The following CYP46A1 variants were observed in gnomAD, a reference collection of about 807,000 sequenced individuals.
The protein encoded by CYP46A1 is cytochrome P450 family 46 subfamily A member 1, also known as cholesterol 24-hydroxylase.
In CYP46A1, 20 loss-of-function variants were observed where a neutral mutation model predicts 63.3. The ratio of observed to expected loss-of-function variants is 0.32; its 90% CI spans 0.22 to 0.46. The LOEUF is 0.46. CYP46A1 is among the 20% of genes least tolerant of loss of function. CYP46A1 has a pLI of 1.00. For synonymous variants in CYP46A1, 268 were observed against 273.6 expected (o/e 0.98, Z 0.20); for missense variants, 445 against 670.8 (o/e 0.66, Z 3.72).
At chr14:99,700,158 C>T (rs529240332) in intron 5 of CYP46A1, 57 bp downstream of exon 5, 52 of 1,419,248 alleles carry the variant, frequency 3.7e-5, no homozygotes, top group East Asian at 3.3e-4. Context: ...TAGGGGCTGC[C>T]GAAGTGTAGG....
At chr14:99,701,796 G>A (rs375022378) in intron 5 of CYP46A1, among the ~76,000 whole-genome samples, 56 of 152,288 alleles carry the variant, frequency 3.7e-4, no homozygotes, top group African/African-American at 1.2e-3. Context: ...TCAGCCAGGC[G>A]TGGTGGTTCA....
intron 3 of CYP46A1, among the ~76,000 whole-genome samples, chr14:99,692,505 C>T (rs1260072653): frequency 1.3e-5 from 2 of 152,034 alleles, no homozygotes; most frequent in Admixed American, 1.3e-4. Flanking sequence ...TGCCATGGCA[C>T]TCCAGCCTGG....
intron 7 of CYP46A1, 162 bp downstream of exon 7, chr14:99,707,840 A>G: frequency 1.6e-6 from 1 of 610,306 alleles, no homozygotes; most frequent in Non-Finnish European, 2.9e-6. Flanking sequence ...CATTGCCTAA[A>G]GTAAAGGCTT....
At chr14:99,718,191 T>G in intron 10 of CYP46A1, 65 bp downstream of exon 10, 1 of 1,386,764 alleles carries the variant, frequency 7.2e-7, no homozygotes, top group Non-Finnish European at 1.0e-6. Flanking sequence ...GAGGGCCACC[T>G]GCCCCCACCT....
intron 5 of CYP46A1, among the ~76,000 whole-genome samples, chr14:99,704,441 C>T (rs1401766893): frequency 2.0e-5 from 3 of 152,022 alleles, no homozygotes; most frequent in Non-Finnish European, 4.4e-5. Context: ...GTTTCATCTC[C>T]AACCATTACC....
At chr14:99,712,683 G>T (rs1365488797) in intron 7 of CYP46A1, 1 of 152,186 alleles carries the variant, frequency 6.6e-6, no homozygotes. Flanking sequence ...CATGCTCATG[G>T]ATCGAAAGAA....
chr14:99,726,430 A>G, intron 14 of CYP46A1, 127 bp from the exon 15 acceptor site: 7 of 1,194,230 alleles, frequency 5.9e-6, no homozygotes, highest in South Asian at 1.7e-5. Context: ...AGAGCGCAAA[A>G]CAGGAGGCTC....
intron 5 of CYP46A1, among the ~76,000 whole-genome samples, chr14:99,705,157 G>A (rs143116363): frequency 9.5e-4 from 144 of 152,276 alleles, no homozygotes; most frequent in African/African-American, 1.5e-3. Flanking sequence ...CATGTGCGTC[G>A]GCTAGTTGGG....
At chr14:99,704,196 G>A (rs1403727431) in intron 5 of CYP46A1, among the ~76,000 whole-genome samples, 1 of 152,114 alleles carries the variant, frequency 6.6e-6, no homozygotes, top group East Asian at 1.9e-4. Flanking sequence ...CCATTTTTAG[G>A]TGTGCAGTTC....
chr14:99,719,008 T>G (rs1018850895), intron 10 of CYP46A1, among the ~76,000 whole-genome samples: 1 of 152,072 alleles, frequency 6.6e-6, no homozygotes, highest in East Asian at 1.9e-4. Flanking sequence ...CTTTGCCGTG[T>G]TTTTTGTCAC....
chr14:99,724,195 G>A lies in CYP46A1; in HGVS notation c.1177-1196G>A, dbSNP rs373915902. Among the ~76,000 whole-genome samples the A allele has an allele frequency of 2.1e-3, 326 of 152,006 alleles. 3 individuals carry two copies. The highest frequency in any genetic ancestry group is 7.4e-3 in the African/African-American group (309 of 41,516). The stretch of plus-strand genomic sequence containing the variant: ...AAAGACCTTGTCTCCAAACACAGCC[G>A]CATTCTGAGGTACTGGGGATTAGGA... On this transcript the variant is annotated intron_variant, in intron 12 of 14. Coordinates refer to ENST00000261835, the MANE Select transcript of CYP46A1 (RefSeq NM_006668.2).
rs926303313 is a variant in CYP46A1 at position 99,725,538 on chromosome 14, G to A, written c.1265+59G>A. 27 of 1,356,636 alleles carry A rather than the reference G, an allele frequency of 2.0e-5. No homozygotes were observed. Among genetic ancestry groups the A allele is most frequent in the East Asian group, 1.1e-4 (5 of 43,642 alleles). 84.0% of individuals were successfully genotyped at this position (1,356,636 alleles called of 1,614,324 possible). A position where few individuals can be genotyped will look rare whatever the true frequency, so the allele number is the denominator to read the frequency against. On this transcript the variant is annotated intron_variant, in intron 13 of 14. Transcript: ENST00000261835. This position sits in a 1 kb window ranked among gnomAD's most constrained non-coding sequence, Gnocchi z 4.2. ...CTGGCGGGAGAAGGACAGACACAGC[G>A]GCCTCTGGTCTGAGCCAGAGGCACC...
At chr14:99,691,493 A>T in intron 2 of CYP46A1, 1 of 573,026 alleles carries the variant, frequency 1.7e-6, no homozygotes, top group South Asian at 2.3e-5. Flanking sequence ...CAAAGATGCG[A>T]ATCATTTGAT....
chr14:99,699,811 G>A (rs2056615118), intron 4 of CYP46A1, among the ~76,000 whole-genome samples: 1 of 152,148 alleles, frequency 6.6e-6, no homozygotes, highest in African/African-American at 2.4e-5. Flanking sequence ...TAAAATTCCG[G>A]TAAAACTGAC....
chr14:99,726,153 G>C (rs756349927), intron 13 of CYP46A1, 37 bp from the exon 14 acceptor site: 6 of 1,587,146 alleles, frequency 3.8e-6, no homozygotes, highest in Middle Eastern at 3.3e-4. Context: ...GGGACGCCTG[G>C]GGCTGCTGGC....
At chr14:99,702,220 G>C (rs1370388180) in intron 5 of CYP46A1, among the ~76,000 whole-genome samples, 6 of 151,874 alleles carry the variant, frequency 4.0e-5, no homozygotes, top group Non-Finnish European at 8.8e-5. Context: ...AGTCCTTTAT[G>C]CCTGGCTTCT....
At chr14:99,719,827 T>C (rs561811480) in intron 10 of CYP46A1, among the ~76,000 whole-genome samples, 1 of 146,988 alleles carries the variant, frequency 6.8e-6, no homozygotes, top group South Asian at 2.2e-4. Flanking sequence ...AGTGGCACAA[T>C]CTCAGCTCAC....
At chr14:99,692,498 C>T (rs2056552459) in intron 3 of CYP46A1, among the ~76,000 whole-genome samples, 1 of 151,998 alleles carries the variant, frequency 6.6e-6, no homozygotes, top group Non-Finnish European at 1.5e-5. Context: ...GAGATCGTGC[C>T]ATGGCACTCC....
chr14:99,723,229 G>T, intron 12 of CYP46A1: 1 of 175,600 alleles, frequency 5.7e-6, no homozygotes, highest in South Asian at 1.4e-4. Flanking sequence ...TCCCTTTTGG[G>T]GTAGTGTGTT....
Sources: allele counts gnomAD v4.1 joint callset (sites outside exome capture counted in the v4.1 genomes callset), GRCh38; gene constraint gnomAD v4.1.1; non-coding constraint Gnocchi (gnomAD v3.1); transcripts MANE v1.5; gene names NCBI Gene and HGNC (gene_info 2026-07-23, HGNC 2026-07-21).